FOXN3: variants seen among roughly 807,000 people sequenced by gnomAD.
FOXN3 encodes forkhead box N3.
FOXN3 carries 7 observed loss-of-function variants against 38.4 expected under a neutral mutation model. That is an observed-to-expected ratio of 0.18 (90% CI 0.10 to 0.34). FOXN3 has a LOEUF of 0.34. FOXN3 is among the 10% of genes least tolerant of loss of function. The pLI is 1.00. For missense variants in FOXN3, 456 were observed against 613.4 expected, an observed-to-expected ratio of 0.74 and a Z score of 2.71; for synonymous variants, 230 against 242.2, an observed-to-expected ratio of 0.95 and a Z score of 0.47.
At chr14:89,541,584 T>C (rs1894791289) in intron 1 of FOXN3, among the ~76,000 whole-genome samples, 1 of 152,204 alleles carries the variant, frequency 6.6e-6, no homozygotes, top group Non-Finnish European at 1.5e-5. Flanking sequence ...AAGAAATAAC[T>C]ATAAAAATGG....
At chr14:89,228,775 A>G (rs930675225) in intron 4 of FOXN3, among the ~76,000 whole-genome samples, 2 of 152,316 alleles carry the variant, frequency 1.3e-5, no homozygotes, top group East Asian at 1.9e-4. Flanking sequence ...CCTGGAATAA[A>G]CTGATTTCCT....
Position 89,475,618 on chromosome 14 carries a change from G to T in FOXN3, c.-14-63128C>A, listed in dbSNP as rs974823812. On this transcript the variant is annotated intron_variant, in intron 1 of 6. Coordinates refer to the FOXN3 transcript ENST00000345097. Reference sequence around the variant, plus strand: ...TGCAGTGGGCTATGATCGCACCACAGCACTCCAGCCTGGCCAGCAGAGTGA... The same window carrying T: ...TGCAGTGGGCTATGATCGCACCACATCACTCCAGCCTGGCCAGCAGAGTGA... Among the ~76,000 whole-genome samples the T allele has an allele frequency of 2.0e-5, 3 of 152,264 alleles. No individual in the cohort carries two copies. The East Asian group carries it at 5.8e-4, about 29-fold the overall frequency.
intron 4 of FOXN3, among the ~76,000 whole-genome samples, chr14:89,190,185 C>T (rs541045316): frequency 1.3e-5 from 2 of 152,388 alleles, no homozygotes; most frequent in Non-Finnish European, 2.9e-5. Context: ...CTTGGAAACA[C>T]ACCTATGCAT....
chr14:89,185,259 A>G (rs1315012369), intron 4 of FOXN3, among the ~76,000 whole-genome samples: 4 of 152,194 alleles, frequency 2.6e-5, no homozygotes, highest in African/African-American at 9.7e-5. Context: ...ACACTTAACT[A>G]TACCCCTGTC....
At chr14:89,172,099 A>AT (rs934079607) in intron 5 of FOXN3, among the ~76,000 whole-genome samples, 1 of 152,226 alleles carries the variant, frequency 6.6e-6, no homozygotes, top group Admixed American at 6.5e-5. Flanking sequence ...TGTAAAATTT[A>AT]TAACAGCATG....
chr14:89,590,602 G>A (rs1237884113), intron 1 of FOXN3, among the ~76,000 whole-genome samples: 2 of 152,150 alleles, frequency 1.3e-5, no homozygotes, highest in African/African-American at 4.8e-5. Flanking sequence ...TGCTTCAGAA[G>A]TAGCCCCAGA....
intron 2 of FOXN3, among the ~76,000 whole-genome samples, chr14:89,390,040 T>C (rs568085263): frequency 6.3e-4 from 96 of 151,960 alleles, no homozygotes; most frequent in Non-Finnish European, 1.3e-3. Flanking sequence ...GGCAACACAG[T>C]GAGACCTCAT....
chr14:89,467,069 A>G (rs1436281092), intron 1 of FOXN3, among the ~76,000 whole-genome samples: 1 of 152,130 alleles, frequency 6.6e-6, no homozygotes, highest in Non-Finnish European at 1.5e-5. Flanking sequence ...CTCAGATCCA[A>G]TCCAGGACGG....
rs998179622 is a variant in FOXN3, at chr14:89,223,795, G to A, written c.746-42989C>T. ...CTTTCCATGCTTGGACAATTTGTGT[G>A]AGCATCTTTTACCCCCAGGAACATT... is the stretch of plus-strand genomic sequence containing the variant. On this transcript the variant is annotated intron_variant, in intron 4 of 5. Coordinates refer to ENST00000557258, the MANE Select transcript of FOXN3 (RefSeq NM_005197.4). Among the ~76,000 whole-genome samples the A allele has an allele frequency of 2.0e-5, 3 of 152,166 alleles. No individual in the cohort carries two copies. In the East Asian group the frequency reaches 5.8e-4, roughly 29 times the overall value.
chr14:89,497,415 T>C (rs1893708181), intron 1 of FOXN3, among the ~76,000 whole-genome samples: 1 of 150,388 alleles, frequency 6.6e-6, no homozygotes, highest in Admixed American at 6.6e-5. Flanking sequence ...TTTTTTTTTT[T>C]TTTTTTTTGA....
intron 2 of FOXN3, among the ~76,000 whole-genome samples, chr14:89,398,510 A>G (rs182368638): frequency 1.3e-5 from 2 of 152,260 alleles, no homozygotes; most frequent in African/African-American, 2.4e-5. Flanking sequence ...CCAGCCCCCA[A>G]TTTATAAACT....
At chr14:89,528,376 CTTTTTTTTTTTTTTTTTT>C (rs55935162) in intron 1 of FOXN3, among the ~76,000 whole-genome samples, 12 of 53,576 alleles carry the variant, frequency 2.2e-4, no homozygotes, top group South Asian at 1.1e-3. Context: ...ATGGATGAAT[CTTTTTTTTTTTTTTTTTT>C]TTTTTTTTTT....
At chr14:89,543,868 C>T (rs374994041) in intron 1 of FOXN3, among the ~76,000 whole-genome samples, 25 of 151,650 alleles carry the variant, frequency 1.6e-4, no homozygotes, top group South Asian at 6.2e-4. Flanking sequence ...AGTATACAAC[C>T]GATTTGGTTT....
At chr14:89,263,015 T>G (rs866723395) in intron 4 of FOXN3, among the ~76,000 whole-genome samples, 11 of 152,238 alleles carry the variant, frequency 7.2e-5, no homozygotes, top group Non-Finnish European at 1.2e-4. Context: ...AAATTATAGA[T>G]CGCAGTGAAA....
intron 2 of FOXN3, among the ~76,000 whole-genome samples, chr14:89,382,426 A>G (rs113907931): frequency 5.9e-5 from 9 of 152,036 alleles, no homozygotes; most frequent in Non-Finnish European, 7.4e-5. Flanking sequence ...GCCCTTCCCA[A>G]CATGGCACCT....
intron 1 of FOXN3, among the ~76,000 whole-genome samples, chr14:89,615,081 A>G (rs535156764): frequency 2.7e-5 from 4 of 149,444 alleles, no homozygotes; most frequent in Admixed American, 2.0e-4. Context: ...CATGTGTACT[A>G]TAAACTGGAT....
In FOXN3 at chr14:89,412,222, G is replaced by A. The variant is rs1891562865; in HGVS notation, c.255C>T (p.Ser85=). 3 of 1,614,060 alleles carry A rather than the reference G, an allele frequency of 1.9e-6. No homozygotes were observed. Among genetic ancestry groups the A allele is most frequent in the Non-Finnish European group, 2.5e-6 (3 of 1,180,018 alleles). Residue 85 remains serine (S), a synonymous_variant, in exon 2 of 6, where the codon AGC becomes AGT. Coordinates refer to ENST00000557258, the MANE Select transcript of FOXN3 (RefSeq NM_005197.4). This position sits in a 1 kb window ranked among gnomAD's most constrained non-coding sequence, Gnocchi z 4.7. ...TGTCATCGTCCAGGTCCTGGACGGGGCTGACACTCCTGAGGACCGACTCCC... is the reference window on the plus strand; with the variant it reads ...TGTCATCGTCCAGGTCCTGGACGGGACTGACACTCCTGAGGACCGACTCCC... The part of the protein sequence containing the change: ...SFGESVLRSV[S]PVQDLDDDTP...
At chr14:89,493,661 A>C (rs1284986699) in intron 1 of FOXN3, among the ~76,000 whole-genome samples, 1 of 152,124 alleles carries the variant, frequency 6.6e-6, no homozygotes, top group Non-Finnish European at 1.5e-5. Context: ...TTTCCCCTTA[A>C]CCGCACACCT....
intron 1 of FOXN3, among the ~76,000 whole-genome samples, chr14:89,436,608 A>C (rs1892281619): frequency 6.6e-6 from 1 of 152,198 alleles, no homozygotes; most frequent in Admixed American, 6.5e-5. Context: ...GCACAAATCA[A>C]CAAGATCCCC....
Sources: allele counts gnomAD v4.1 joint callset (sites outside exome capture counted in the v4.1 genomes callset), GRCh38; gene constraint gnomAD v4.1.1; non-coding constraint Gnocchi (gnomAD v3.1); transcripts MANE v1.5; gene names NCBI Gene and HGNC (gene_info 2026-07-23, HGNC 2026-07-21).